ADCY9: variants seen among roughly 807,000 people sequenced by gnomAD.
The protein encoded by ADCY9 is adenylate cyclase type 9.
A neutral mutation model predicts 101.5 loss-of-function variants in ADCY9; 50 were observed. The ratio of observed to expected loss-of-function variants is 0.49; its 90% CI spans 0.39 to 0.62. The LOEUF is 0.62. Among genes scored for constraint, ADCY9 ranks in the 20% least tolerant of loss-of-function variants. The pLI, the probability that ADCY9 is intolerant of heterozygous loss-of-function variation, is 0.00. For missense variants in ADCY9, 1,662 were observed against 1,800.4 expected (o/e 0.92, Z 1.39); for synonymous variants, 905 against 769.3 (o/e 1.18, Z -2.92).
chr16:4,040,354 T>A (rs1470871996), intron 2 of ADCY9, among the ~76,000 whole-genome samples: 3 of 152,216 alleles, frequency 2.0e-5, no homozygotes, highest in African/African-American at 7.2e-5. Context: ...GAAAGCTTCT[T>A]TTAAGACAAA....
rs1384155876 is a variant in ADCY9 at position 3,974,836 on chromosome 16, A to G, written c.2829-126T>C. The G allele has an allele frequency of 1.2e-5, 8 of 659,814 alleles. No individual in the cohort carries two copies. The South Asian group carries it at 1.3e-4, about 10-fold the overall frequency. 40.9% of individuals were successfully genotyped at this position (659,814 alleles called of 1,614,324 possible). A position where few individuals can be genotyped will look rare whatever the true frequency, so the allele number is the denominator to read the frequency against. ...CGTGGTTGTACATCCACATAAAGCCACCTGCTCCCACCTCTTTCTTCACAT... is the reference window on the plus strand; with the variant it reads ...CGTGGTTGTACATCCACATAAAGCCGCCTGCTCCCACCTCTTTCTTCACAT... On this transcript the variant is annotated intron_variant, in intron 9 of 10. Transcript: ENST00000294016.
At chr16:4,055,140 T>C (rs149713180) in intron 2 of ADCY9, among the ~76,000 whole-genome samples, 212 of 152,190 alleles carry the variant, frequency 1.4e-3, no homozygotes, top group African/African-American at 4.9e-3. Flanking sequence ...AGCACTGTGG[T>C]AGCCAACAGC....
At chr16:3,997,144 C>T (rs1228222609) in intron 3 of ADCY9, among the ~76,000 whole-genome samples, 8 of 152,208 alleles carry the variant, frequency 5.3e-5, no homozygotes, top group Non-Finnish European at 1.0e-4. Flanking sequence ...GGATTACAGG[C>T]GTGAGCCACC....
In ADCY9 at chr16:4,085,141, C is replaced by T. The variant is rs138386630; in HGVS notation, c.1693+28609G>A. On this transcript the variant is annotated intron_variant, in intron 2 of 10. Transcript: ENST00000294016. ...CTTTGGGAGGTCAAGGTGGGCAGAT[C>T]GCTTGAGGTCAGGAGTTCGAGACCA... is the stretch of plus-strand genomic sequence containing the variant. Among the ~76,000 whole-genome samples, 587 of 152,204 alleles carry T rather than the reference C, an allele frequency of 3.9e-3. 5 individuals are homozygous for T. Among genetic ancestry groups the T allele is most frequent in the African/African-American group, 0.013 (559 of 41,540 alleles).
intron 10 of ADCY9, among the ~76,000 whole-genome samples, chr16:3,972,683 A>G (rs1272301630): frequency 6.6e-6 from 1 of 152,216 alleles, no homozygotes. Flanking sequence ...TGCAGTCCTA[A>G]CCAGCCAAAC....
chr16:3,968,627 G>A (rs760090981), intron 10 of ADCY9, among the ~76,000 whole-genome samples: 2 of 152,136 alleles, frequency 1.3e-5, no homozygotes, highest in Non-Finnish European at 2.9e-5. Flanking sequence ...GCTGTGCAGT[G>A]TTCCAGCACT....
At chr16:4,031,598 CG>C (rs1478326553) in intron 2 of ADCY9, among the ~76,000 whole-genome samples, 1 of 152,114 alleles carries the variant, frequency 6.6e-6, no homozygotes, top group Non-Finnish European at 1.5e-5. Context: ...TGAAAAGTTG[CG>C]AAGGCCAGGC....
At chr16:4,004,122 C>T (rs1490028115) in intron 3 of ADCY9, among the ~76,000 whole-genome samples, 1 of 151,854 alleles carries the variant, frequency 6.6e-6, no homozygotes, top group Non-Finnish European at 1.5e-5. Context: ...GTGGCACATG[C>T]CTGTGGTCCT....
In ADCY9 at chr16:3,979,178, C is replaced by A; in HGVS notation, c.2617G>T (p.Val873Leu). The change falls in exon 8 of 11, where the codon GTG (valine) becomes TTG (leucine). Residue 873 changes from valine to leucine, a missense_variant. Val to Leu is a conservative substitution (Grantham distance 32). This residue lies in a region of ADCY9 where 624 missense variants were observed against 639.1 expected (regional missense o/e 0.98). Transcript: ENST00000294016. ...LPRHCIGAILVSLPALAVYSH... is the reference protein window; with the variant it reads ...LPRHCIGAILLSLPALAVYSH... ...TAGACGGCCAGTGCGGGAAGCGACA[C>A]CAGGATGGCCCCGATGCAGTGACGT... 2 of 1,614,150 alleles carry A rather than the reference C, an allele frequency of 1.2e-6. No homozygotes were observed. Among genetic ancestry groups the A allele is most frequent in the East Asian group, 4.5e-5 (2 of 44,880 alleles).
At chr16:4,038,068 G>C (rs1197150842) in intron 2 of ADCY9, among the ~76,000 whole-genome samples, 1 of 152,172 alleles carries the variant, frequency 6.6e-6, no homozygotes, top group Non-Finnish European at 1.5e-5. Flanking sequence ...GAGTCCAGGA[G>C]TCCAAGACCA....
intron 2 of ADCY9, among the ~76,000 whole-genome samples, chr16:4,068,364 C>G (rs925854686): frequency 1.2e-4 from 18 of 151,750 alleles, no homozygotes; most frequent in African/African-American, 4.1e-4. Context: ...GTACAAGTTC[C>G]TCTAATCCCA....
chr16:4,009,763 C>T (rs2056391401), intron 2 of ADCY9, among the ~76,000 whole-genome samples: 1 of 152,232 alleles, frequency 6.6e-6, no homozygotes, highest in African/African-American at 2.4e-5. Flanking sequence ...ACCAGACTGA[C>T]TTTGTAACTT....
At chr16:3,956,977 T>A (rs1306094378) in intron 5 of ADCY9, among the ~76,000 whole-genome samples, 5 of 152,168 alleles carry the variant, frequency 3.3e-5, no homozygotes, top group Non-Finnish European at 5.9e-5. Flanking sequence ...ATTCCACACA[T>A]AATTTAAGCA....
At position 4,085,239 on chromosome 16, in the gene ADCY9, A is replaced by G. The variant is rs530898436; in HGVS notation, c.1693+28511T>C. Among the ~76,000 whole-genome samples, 200 of 152,134 alleles carry G rather than the reference A, an allele frequency of 1.3e-3. 4 individuals carry two copies. The Middle Eastern group carries it at 0.014, about 10-fold the overall frequency. ...TAGCGGGGCATGGTGGCGCATACCT[A>G]TAATCCCAGCTACTTGGGAAGCTGA... On this transcript the variant is annotated intron_variant, in intron 2 of 10. Transcript: ENST00000294016.
intron 2 of ADCY9, among the ~76,000 whole-genome samples, chr16:4,074,190 T>C (rs952022910): frequency 5.9e-5 from 9 of 151,870 alleles, no homozygotes; most frequent in Non-Finnish European, 1.2e-4. Context: ...TATGACACTA[T>C]TAGCATCATA....
intron 3 of ADCY9, among the ~76,000 whole-genome samples, chr16:4,003,509 T>G (rs1431235586): frequency 6.7e-6 from 1 of 150,074 alleles, no homozygotes; most frequent in Non-Finnish European, 1.5e-5. Context: ...ACCACCGCAC[T>G]GAAGAGGAAA....
intron 2 of ADCY9, among the ~76,000 whole-genome samples, chr16:4,008,904 C>A (rs1458174486): frequency 1.3e-5 from 2 of 152,234 alleles, no homozygotes; most frequent in East Asian, 3.9e-4. Context: ...AAGGGTGTGG[C>A]ATGGAAAGAT....
intron 2 of ADCY9, among the ~76,000 whole-genome samples, chr16:4,072,596 C>T (rs1275014786): frequency 6.6e-6 from 1 of 151,968 alleles, no homozygotes; most frequent in Non-Finnish European, 1.5e-5. Flanking sequence ...TGTGCATAAG[C>T]CCCTATTAAA....
intron 2 of ADCY9, among the ~76,000 whole-genome samples, chr16:4,037,414 C>G (rs755907379): frequency 6.6e-6 from 1 of 152,174 alleles, no homozygotes; most frequent in Non-Finnish European, 1.5e-5. Context: ...GATGGCTGGA[C>G]AGTATCCCAC....
Sources: gnomAD v4.1 joint callset for allele counts (sites outside exome capture counted in the v4.1 genomes callset) on GRCh38, gnomAD v4.1.1 for gene constraint, gnomAD v4.1.1 regional missense constraint, MANE v1.5 for transcripts, NCBI Gene and HGNC (gene_info 2026-07-23, HGNC 2026-07-21) for gene names.